Variants in ABCB1 observed in about 807,000 individuals in gnomAD.
The protein encoded by ABCB1 is ATP binding cassette subfamily B member 1.
A neutral mutation model predicts 142.0 loss-of-function variants in ABCB1; 69 were observed. The observed-to-expected ratio is 0.49, with a 90% CI of 0.40 to 0.59. The LOEUF (loss-of-function observed/expected upper bound fraction) is 0.59. Among genes scored for constraint, ABCB1 ranks in the 20% least tolerant of loss-of-function variants. The probability of loss-of-function intolerance (pLI) is 0.00; values close to 1 mark genes in which losing one functional copy is unlikely to be tolerated. For missense variants in ABCB1, 1,326 were observed against 1,554.7 expected, an observed-to-expected ratio of 0.85 and a Z score of 2.47; for synonymous variants, 532 against 539.2, an observed-to-expected ratio of 0.99 and a Z score of 0.18.
intron 1 of ABCB1, among the ~76,000 whole-genome samples, chr7:87,637,480 A>C (rs915643996): frequency 2.6e-5 from 4 of 152,180 alleles, no homozygotes; most frequent in African/African-American, 4.8e-5. Flanking sequence ...TTAAGCTTGC[A>C]CTGGTACTAT....
At chr7:87,600,006 TAA>T in intron 2 of ABCB1, 109 bp downstream of exon 2, 1 of 1,140,196 alleles carries the variant, frequency 8.8e-7, no homozygotes, top group Non-Finnish European at 1.3e-6. Flanking sequence ...TTGCGTTTCT[TAA>T]AAATAATTAA....
At chr7:87,574,534 A>G (rs1482366549) in intron 4 of ABCB1, among the ~76,000 whole-genome samples, 1 of 152,136 alleles carries the variant, frequency 6.6e-6, no homozygotes, top group Non-Finnish European at 1.5e-5. Context: ...CCACTCCCCC[A>G]TCCCCATCTT....
intron 1 of ABCB1, among the ~76,000 whole-genome samples, chr7:87,670,424 G>C (rs897444379): frequency 2.0e-5 from 3 of 152,110 alleles, no homozygotes; most frequent in African/African-American, 7.2e-5. Context: ...CCATCTTCCT[G>C]AGTCTCAGTG....
intron 27 of ABCB1, among the ~76,000 whole-genome samples, 179 bp from the exon 28 acceptor site, chr7:87,504,628 A>AC (rs928842924): frequency 5.5e-4 from 84 of 152,202 alleles, no homozygotes; most frequent in African/African-American, 1.9e-3. Context: ...ACACGGTGAA[A>AC]CCCCATCTCT....
chr7:87,615,739 T>C (rs1329477045), intron 1 of ABCB1, among the ~76,000 whole-genome samples: 1 of 152,172 alleles, frequency 6.6e-6, no homozygotes, highest in Non-Finnish European at 1.5e-5. Context: ...GTTGTTAAAA[T>C]AGCCTATTAA....
chr7:87,576,738 T>A (rs934055660), intron 4 of ABCB1, among the ~76,000 whole-genome samples: 2 of 151,806 alleles, frequency 1.3e-5, no homozygotes, highest in African/African-American at 4.8e-5. Flanking sequence ...GTTTTATTTT[T>A]AAATTTATTT....
chr7:87,585,565 A>G lies in ABCB1; in HGVS notation c.233T>C (p.Ile78Thr), dbSNP rs202150907. 73 of 1,613,882 alleles carry G rather than the reference A, an allele frequency of 4.5e-5. No individual in the cohort carries two copies. Among genetic ancestry groups the G allele is most frequent in the Non-Finnish European group, 5.7e-5 (67 of 1,179,898 alleles). ...TTCTAAATTTCCTGCATTTGCAAAG[A>G]TATCTGTCATTTCTCCAAACACCAG... ...MMLVFGEMTD[I>T]FANAGNLEDL... The change falls in exon 4 of 28, where the codon ATC (isoleucine) becomes ACC (threonine). Residue 78 changes from isoleucine to threonine, a missense_variant. Ile to Thr is a moderately conservative substitution (Grantham distance 89, BLOSUM62 -1). Coordinates refer to ENST00000622132, the MANE Select transcript of ABCB1 (RefSeq NM_001348946.2).
chr7:87,586,647 G>A (rs1406001917), intron 3 of ABCB1, among the ~76,000 whole-genome samples: 1 of 152,080 alleles, frequency 6.6e-6, no homozygotes, highest in Non-Finnish European at 1.5e-5. Context: ...CAAAGATTAG[G>A]CAGCAAAAAA....
chr7:87,559,744 A>G (rs1340503692), intron 8 of ABCB1, among the ~76,000 whole-genome samples: 2 of 152,178 alleles, frequency 1.3e-5, no homozygotes, highest in Non-Finnish European at 2.9e-5. Context: ...TTCACAGAGT[A>G]GTATAAATTC....
intron 1 of ABCB1, among the ~76,000 whole-genome samples, chr7:87,645,770 C>G (rs1406793750): frequency 1.3e-5 from 2 of 152,124 alleles, no homozygotes; most frequent in Non-Finnish European, 2.9e-5. Context: ...TCTCATTACT[C>G]TGGCATATAC....
At chr7:87,689,177 A>G (rs560912961) in intron 1 of ABCB1, among the ~76,000 whole-genome samples, 2 of 152,170 alleles carry the variant, frequency 1.3e-5, no homozygotes, top group East Asian at 3.9e-4. Flanking sequence ...ATTATCTGAG[A>G]TTTTTTTGAA....
At chr7:87,653,825 T>C (rs1823816315) in intron 1 of ABCB1, among the ~76,000 whole-genome samples, 1 of 152,036 alleles carries the variant, frequency 6.6e-6, no homozygotes, top group Non-Finnish European at 1.5e-5. Context: ...CACTGATTTG[T>C]TAGTATTGCT....
intron 9 of ABCB1, 88 bp from the exon 10 acceptor site, chr7:87,550,926 T>C: frequency 1.2e-6 from 1 of 808,682 alleles, no homozygotes; most frequent in Non-Finnish European, 2.1e-6. Flanking sequence ...CTAACATAGG[T>C]AATTAAAATT....
chr7:87,561,220 A>G (rs376202244), intron 8 of ABCB1, 43 bp downstream of exon 8: 30 of 1,609,086 alleles, frequency 1.9e-5, no homozygotes, highest in Admixed American at 3.4e-5. Context: ...ATTTGAGAAG[A>G]CAGAATTTAA....
chr7:87,672,252 A>T (rs1315901608), intron 1 of ABCB1, among the ~76,000 whole-genome samples: 3 of 152,224 alleles, frequency 2.0e-5, no homozygotes, highest in Non-Finnish European at 4.4e-5. Context: ...TGCTTAAAGT[A>T]GCAGTCTAGC....
At chr7:87,544,700 GGGGATAGGACAGGAGGATTCT>G in intron 16 of ABCB1, 102 bp downstream of exon 16, 1 of 908,752 alleles carries the variant, frequency 1.1e-6, no homozygotes, top group Non-Finnish European at 1.7e-6. Context: ...TGACATTCTG[GGGGATAGGACAGGAGGATTCT>G]GGATAACCTC....
chr7:87,544,386 A>C lies in ABCB1; in HGVS notation c.2065-111T>G, dbSNP rs373141679. On this transcript the variant is annotated intron_variant, in intron 16 of 27. Coordinates refer to ENST00000622132, the MANE Select transcript of ABCB1 (RefSeq NM_001348946.2). The stretch of plus-strand genomic sequence containing the variant: ...TATATCCTATCCTTATTCCTTATCA[A>C]TGAATAAGTGATGACAATTTTGCTT... The C allele has an allele frequency of 7.5e-5, 81 of 1,082,234 alleles. No individual in the cohort carries two copies. In the African/African-American group the frequency reaches 1.2e-3, roughly 16 times the overall value. The allele number at this position is 1,082,234 out of a possible 1,614,324, so 67.0% of individuals were successfully genotyped here. A position where few individuals can be genotyped will look rare whatever the true frequency, so the allele number is the denominator to read the frequency against.
chr7:87,543,243 G>A (rs569439885), intron 17 of ABCB1, among the ~76,000 whole-genome samples: 4 of 152,228 alleles, frequency 2.6e-5, no homozygotes, highest in South Asian at 2.1e-4. Context: ...GCAGTGAGCC[G>A]AGTTCGCACC....
intron 1 of ABCB1, among the ~76,000 whole-genome samples, chr7:87,660,770 T>C (rs1198477568): frequency 6.6e-6 from 1 of 152,022 alleles, no homozygotes; most frequent in Non-Finnish European, 1.5e-5. Flanking sequence ...AATATTTTCA[T>C]TAATACTCAT....
Sources: gnomAD v4.1 joint callset for allele counts (sites outside exome capture counted in the v4.1 genomes callset) on GRCh38, gnomAD v4.1.1 for gene constraint, MANE v1.5 for transcripts, NCBI Gene and HGNC (gene_info 2026-07-23, HGNC 2026-07-21) for gene names.